Variants in FMN1 observed in about 807,000 individuals in gnomAD.
The protein encoded by FMN1 is formin-1.
Under a neutral mutation model 132.4 loss-of-function variants are expected in FMN1, and 110 were observed. The observed-to-expected ratio is 0.83, with a 90% CI of 0.71 to 0.97. FMN1 has a LOEUF of 0.97. Among genes scored for constraint, FMN1 ranks in the 50% least tolerant of loss-of-function variants. FMN1 has a pLI of 0.00. For missense variants in FMN1, 1,792 were observed against 1,705.3 expected (o/e 1.05, Z -0.90); for synonymous variants, 722 against 651.7 (o/e 1.11, Z -1.64).
At position 32,774,153 on chromosome 15, in the gene FMN1, G is replaced by A; in HGVS notation, c.*157C>T. 1.5e-6 allele frequency: 1 copy of A among 649,166 alleles called. No individual in the cohort carries two copies. Among genetic ancestry groups the A allele is most frequent in the Non-Finnish European group, 2.7e-6 (1 of 365,930 alleles). 40.2% of individuals were successfully genotyped at this position (649,166 alleles called of 1,614,324 possible). A position where few individuals can be genotyped will look rare whatever the true frequency, so the allele number is the denominator to read the frequency against. On this transcript the variant is annotated 3_prime_UTR_variant, in exon 21 of 21. Coordinates refer to ENST00000616417, the MANE Select transcript of FMN1 (RefSeq NM_001277313.2). ...CTTAATGAGGGACTTCTTAAAGAAG[G>A]CATGGGGCACTCTCTGCAGATGACC...
intron 5 of FMN1, among the ~76,000 whole-genome samples, chr15:33,076,675 C>A (rs556649781): frequency 6.6e-6 from 1 of 152,306 alleles, no homozygotes; most frequent in East Asian, 1.9e-4. Context: ...CAGATTATTA[C>A]TGTCCAATGA....
chr15:32,864,900 A>G (rs1310188003), intron 16 of FMN1, among the ~76,000 whole-genome samples: 1 of 152,260 alleles, frequency 6.6e-6, no homozygotes, highest in Admixed American at 6.5e-5. Context: ...TATACTTTAT[A>G]CACAGAATGA....
At chr15:33,128,129 T>C (rs558113487) in intron 4 of FMN1, among the ~76,000 whole-genome samples, 129 of 152,092 alleles carry the variant, frequency 8.5e-4, no homozygotes, top group African/African-American at 3.0e-3. Flanking sequence ...ACCATGGTGA[T>C]GGGAGCAGTA....
intron 5 of FMN1, among the ~76,000 whole-genome samples, chr15:33,079,830 CT>C (rs1004537474): frequency 7.8e-4 from 118 of 151,650 alleles, no homozygotes; most frequent in African/African-American, 2.7e-3. Context: ...AATCAGATTA[CT>C]TTTTTTTTCA....
chr15:33,056,066 C>T (rs1318872197), intron 6 of FMN1, among the ~76,000 whole-genome samples: 3 of 152,130 alleles, frequency 2.0e-5, no homozygotes, highest in South Asian at 4.1e-4. Flanking sequence ...GACAAGAATG[C>T]GGAGTAACCA....
At chr15:32,959,894 A>C (rs1318849869) in intron 9 of FMN1, among the ~76,000 whole-genome samples, 1 of 152,226 alleles carries the variant, frequency 6.6e-6, no homozygotes, top group African/African-American at 2.4e-5. Context: ...TAAAGAACAA[A>C]AGTAAATTTA....
chr15:32,802,904 TCA>T (rs1232430805), intron 18 of FMN1, among the ~76,000 whole-genome samples: 10 of 152,164 alleles, frequency 6.6e-5, no homozygotes, highest in African/African-American at 2.4e-4. Flanking sequence ...TGGAATTATC[TCA>T]GTTTTGAATG....
At chr15:32,829,365 A>T (rs913651935) in intron 17 of FMN1, among the ~76,000 whole-genome samples, 6 of 152,244 alleles carry the variant, frequency 3.9e-5, no homozygotes, top group Non-Finnish European at 8.8e-5. Flanking sequence ...GGACTAGACA[A>T]GCCATCTTCT....
chr15:33,147,122 G>A (rs4780088), intron 4 of FMN1, among the ~76,000 whole-genome samples: 63,219 of 149,028 alleles, frequency 0.42, 13,794 homozygotes, highest in Admixed American at 0.48. Flanking sequence ...CCAAGATCAC[G>A]CCACTGTACT....
At chr15:33,078,684 T>C (rs1303211422) in intron 5 of FMN1, among the ~76,000 whole-genome samples, 1 of 151,944 alleles carries the variant, frequency 6.6e-6, no homozygotes, top group Non-Finnish European at 1.5e-5. Context: ...ACCAGAACTT[T>C]ATGTTAACAT....
At chr15:33,099,758 T>A (rs1262468934) in intron 4 of FMN1, among the ~76,000 whole-genome samples, 1 of 152,192 alleles carries the variant, frequency 6.6e-6, no homozygotes, top group Non-Finnish European at 1.5e-5. Context: ...ATCCAGTCAT[T>A]CTCTAAAAGT....
Position 32,787,535 on chromosome 15 carries a change from A to C in FMN1, c.4131-10616T>G, listed in dbSNP as rs553277468. Reference sequence around the variant, plus strand: ...GAAAGTAATCTTAGGCTTAGCTCCTAACACACCAGAATTTAGCCTTTAAAA... The same window carrying C: ...GAAAGTAATCTTAGGCTTAGCTCCTCACACACCAGAATTTAGCCTTTAAAA... On this transcript the variant is annotated intron_variant, in intron 19 of 20. Coordinates refer to ENST00000616417, the MANE Select transcript of FMN1 (RefSeq NM_001277313.2). Among the ~76,000 whole-genome samples the C allele has an allele frequency of 1.1e-4, 16 of 152,340 alleles. No individual in the cohort carries two copies. In the East Asian group the frequency reaches 2.9e-3, roughly 28 times the overall value.
chr15:33,097,516 G>A (rs374774758), intron 4 of FMN1, among the ~76,000 whole-genome samples: 15 of 151,940 alleles, frequency 9.9e-5, no homozygotes, highest in South Asian at 4.1e-4. Flanking sequence ...AAGTGGACAA[G>A]GAAAAAATAT....
chr15:33,066,004 T>C (rs1484062154), intron 5 of FMN1, among the ~76,000 whole-genome samples: 1 of 152,170 alleles, frequency 6.6e-6, no homozygotes, highest in Non-Finnish European at 1.5e-5. Flanking sequence ...AGAATTAGAA[T>C]AAAAACCCAG....
In FMN1 at chr15:32,964,107, C is replaced by G; in HGVS notation, c.3138G>C (p.Lys1046Asn). ...ETYEKKNKVKKIIKLLDGKRS... is the reference protein window; with the variant it reads ...ETYEKKNKVKNIIKLLDGKRS... ...CAGCTTTGCCATAATCACTCAGTACCTTTTTGACCTTGTTTTTCTTCTCAT... is the reference window on the plus strand; with the variant it reads ...CAGCTTTGCCATAATCACTCAGTACGTTTTTGACCTTGTTTTTCTTCTCAT... The change falls in exon 9 of 21, where the codon AAG becomes AAC. Residue 1046 changes from lysine to asparagine, a missense_variant and splice_region_variant. Around this residue, in one of 3 missense-constraint regions of FMN1, gnomAD observed 1,150 missense variants for 1,043.1 expected, o/e 1.10. Coordinates refer to ENST00000616417, the MANE Select transcript of FMN1 (RefSeq NM_001277313.2). 4 of 1,609,888 alleles carry G rather than the reference C, an allele frequency of 2.5e-6. No individual in the cohort carries two copies. The highest frequency in any genetic ancestry group is 3.4e-6 in the Non-Finnish European group (4 of 1,177,914).
intron 9 of FMN1, among the ~76,000 whole-genome samples, chr15:32,957,295 G>GTTTTTTT (rs1278874015): frequency 2.7e-5 from 2 of 74,106 alleles, no homozygotes; most frequent in Non-Finnish European, 5.8e-5. Context: ...TATCAGAGCA[G>GTTTTTTT]TTCTTTTTTT....
chr15:33,138,279 C>A (rs1963858186), intron 4 of FMN1, among the ~76,000 whole-genome samples: 1 of 152,120 alleles, frequency 6.6e-6, no homozygotes, highest in Non-Finnish European at 1.5e-5. Context: ...TATCGAGTAA[C>A]CTAAAGATGA....
chr15:32,851,067 GACAAA>G (rs538033582), intron 17 of FMN1, among the ~76,000 whole-genome samples: 2 of 151,240 alleles, frequency 1.3e-5, no homozygotes. Context: ...CAAAAAACAA[GACAAA>G]ACAAAACAAA....
At chr15:33,009,461 A>G (rs907984563) in intron 6 of FMN1, among the ~76,000 whole-genome samples, 17 of 152,072 alleles carry the variant, frequency 1.1e-4, no homozygotes, top group African/African-American at 4.1e-4. Context: ...ATCTCTCCCT[A>G]TCATTTCATA....
Sources: gnomAD v4.1 joint callset for allele counts (sites outside exome capture counted in the v4.1 genomes callset) on GRCh38, gnomAD v4.1.1 for gene constraint, gnomAD v4.1.1 regional missense constraint, MANE v1.5 for transcripts, NCBI Gene and HGNC (gene_info 2026-07-23, HGNC 2026-07-21) for gene names.